Variants in TNR observed in about 807,000 individuals in gnomAD.
TNR encodes tenascin-R.
In TNR, 45 loss-of-function variants were observed where a neutral mutation model predicts 150.4. The ratio of observed to expected loss-of-function variants is 0.30; its 90% CI spans 0.24 to 0.38. The LOEUF (loss-of-function observed/expected upper bound fraction) is 0.38, where lower values mean the gene tolerates loss of function less well. Among genes scored for constraint, TNR ranks in the 10% least tolerant of loss-of-function variants. The pLI is 1.00. For synonymous variants in TNR, 687 were observed against 678.4 expected, an observed-to-expected ratio of 1.01 and a Z score of -0.20; for missense variants, 1,544 against 1,759.1, an observed-to-expected ratio of 0.88 and a Z score of 2.19.
At chr1:175,361,227 A>C (rs1651572134) in intron 14 of TNR, among the ~76,000 whole-genome samples, 2 of 152,172 alleles carry the variant, frequency 1.3e-5, no homozygotes, top group Admixed American at 6.5e-5. Context: ...ATGCCTGGCT[A>C]AAGAAATGAG....
At chr1:175,630,990 C>T (rs1340426667) in intron 1 of TNR, among the ~76,000 whole-genome samples, 1 of 152,110 alleles carries the variant, frequency 6.6e-6, no homozygotes, top group Non-Finnish European at 1.5e-5. Flanking sequence ...TTATCTGATT[C>T]ACAAAAAATA....
At chr1:175,341,567 T>C (rs1426227532) in intron 18 of TNR, among the ~76,000 whole-genome samples, 1 of 152,210 alleles carries the variant, frequency 6.6e-6, no homozygotes, top group Non-Finnish European at 1.5e-5. Context: ...TGACACGCAG[T>C]GCAGTCAGGG....
chr1:175,690,183 A>G (rs980784759), intron 1 of TNR, among the ~76,000 whole-genome samples: 4 of 152,224 alleles, frequency 2.6e-5, no homozygotes, highest in Non-Finnish European at 5.9e-5. Context: ...GGATCTTTAT[A>G]ACTCAATAAA....
At chr1:175,337,051 A>T (rs911098030) in intron 19 of TNR, among the ~76,000 whole-genome samples, 1 of 151,924 alleles carries the variant, frequency 6.6e-6, no homozygotes, top group Admixed American at 6.6e-5. Context: ...TGCCACCATG[A>T]CCAGCTAATT....
intron 1 of TNR, among the ~76,000 whole-genome samples, chr1:175,688,873 A>C (rs1666274445): frequency 6.6e-6 from 1 of 152,204 alleles, no homozygotes; most frequent in African/African-American, 2.4e-5. Context: ...GGCCAAGGCC[A>C]TGTCTTTTAT....
At chr1:175,417,494 C>T (rs911867759) in intron 2 of TNR, among the ~76,000 whole-genome samples, 3 of 152,134 alleles carry the variant, frequency 2.0e-5, no homozygotes, top group African/African-American at 7.2e-5. Flanking sequence ...TTGGTGTGTG[C>T]CTGTTAGATA....
chr1:175,732,168 A>T (rs1667660126), intron 1 of TNR, among the ~76,000 whole-genome samples: 1 of 152,198 alleles, frequency 6.6e-6, no homozygotes, highest in African/African-American at 2.4e-5. Context: ...ACAGGAATAA[A>T]TTGGGCTTGG....
intron 1 of TNR, among the ~76,000 whole-genome samples, chr1:175,627,766 G>A (rs16848865): frequency 0.26 from 40,041 of 151,584 alleles, 6,014 homozygotes; most frequent in East Asian, 0.5. Flanking sequence ...CTCTCCTAAC[G>A]TTTTTACACA....
At chr1:175,359,139 C>CTTTTTTTTTTT (rs758610631) in intron 15 of TNR, among the ~76,000 whole-genome samples, 1,276 of 42,108 alleles carry the variant, frequency 0.03, 363 homozygotes, top group East Asian at 0.085. Context: ...GGGATATCTT[C>CTTTTTTTTTTT]TTTTTTTTTT....
At chr1:175,474,062 T>C (rs1476180598) in intron 2 of TNR, among the ~76,000 whole-genome samples, 1 of 152,112 alleles carries the variant, frequency 6.6e-6, no homozygotes, top group Non-Finnish European at 1.5e-5. Context: ...CTGGCGGATA[T>C]ATTTCGATTT....
chr1:175,446,013 A>G (rs904250970), intron 2 of TNR, among the ~76,000 whole-genome samples: 15 of 152,154 alleles, frequency 9.9e-5, no homozygotes, highest in African/African-American at 3.6e-4. Flanking sequence ...CTTGTCTAAG[A>G]CTGTGGTTTG....
chr1:175,518,918 C>G (rs183680692), intron 2 of TNR, among the ~76,000 whole-genome samples: 3 of 152,294 alleles, frequency 2.0e-5, no homozygotes, highest in East Asian at 3.9e-4. Context: ...CTCTGCCATG[C>G]AAGAACCTGG....
chr1:175,422,343 G>A (rs187854395), intron 2 of TNR, among the ~76,000 whole-genome samples: 253 of 152,310 alleles, frequency 1.7e-3, no homozygotes, highest in African/African-American at 5.2e-3. Flanking sequence ...ATTCAGCATA[G>A]AGCCCAAAGT....
intron 1 of TNR, among the ~76,000 whole-genome samples, chr1:175,530,993 G>A (rs1333500380): frequency 6.6e-6 from 1 of 152,210 alleles, no homozygotes; most frequent in African/African-American, 2.4e-5. Flanking sequence ...GCCACCACCT[G>A]CAAGAAGCTC....
intron 1 of TNR, among the ~76,000 whole-genome samples, chr1:175,672,639 C>T (rs1037234466): frequency 6.6e-6 from 1 of 152,212 alleles, no homozygotes; most frequent in South Asian, 2.1e-4. Flanking sequence ...TGAATTCTAA[C>T]CAGACAAGAG....
chr1:175,543,191 T>C (rs1394491322), intron 1 of TNR, among the ~76,000 whole-genome samples: 1 of 152,038 alleles, frequency 6.6e-6, no homozygotes, highest in African/African-American at 2.4e-5. Flanking sequence ...GAAAGGGTAA[T>C]AGGGTAGTCC....
intron 21 of TNR, 96 bp from the exon 22 acceptor site, chr1:175,324,615 AC>A: frequency 1.4e-6 from 2 of 1,389,802 alleles, no homozygotes; most frequent in Admixed American, 3.8e-5. Context: ...CCTGGCTTCC[AC>A]TTATGGAACC....
At chr1:175,561,173 T>C (rs536283086) in intron 1 of TNR, among the ~76,000 whole-genome samples, 4 of 152,330 alleles carry the variant, frequency 2.6e-5, no homozygotes, top group African/African-American at 9.6e-5. Context: ...TACTCTTTTG[T>C]ATTTGTCCTT....
intron 1 of TNR, among the ~76,000 whole-genome samples, chr1:175,733,796 C>G (rs949587206): frequency 1.1e-4 from 16 of 152,094 alleles, no homozygotes; most frequent in African/African-American, 3.9e-4. Flanking sequence ...AACTTAAGCC[C>G]TTGGCATGAT....
Sources: gnomAD v4.1 joint callset for allele counts (sites outside exome capture counted in the v4.1 genomes callset) on GRCh38, gnomAD v4.1.1 for gene constraint, MANE v1.5 for transcripts, NCBI Gene and HGNC (gene_info 2026-07-23, HGNC 2026-07-21) for gene names.